The following PIP4K2A variants were observed in gnomAD, a reference collection of about 807,000 sequenced individuals.
PIP4K2A encodes the protein phosphatidylinositol-5-phosphate 4-kinase type 2 alpha.
In PIP4K2A, 14 loss-of-function variants were observed where a neutral mutation model predicts 42.9. The ratio of observed to expected loss-of-function variants is 0.33; its 90% CI spans 0.22 to 0.51. PIP4K2A has a LOEUF of 0.51. Among genes scored for constraint, PIP4K2A ranks in the 20% least tolerant of loss-of-function variants. The probability of loss-of-function intolerance (pLI) is 0.97; values close to 1 mark genes in which losing one functional copy is unlikely to be tolerated. For synonymous variants in PIP4K2A, 192 were observed against 192.2 expected (o/e 1.00, Z 0.01); for missense variants, 434 against 519.8 (o/e 0.83, Z 1.61).
chr10:22,581,562 C>G (rs1244586343), intron 4 of PIP4K2A, among the ~76,000 whole-genome samples: 2 of 40,312 alleles, frequency 5.0e-5, no homozygotes, highest in Admixed American at 4.3e-4. Flanking sequence ...GAGATCCTAT[C>G]TCTAAAAAAA....
chr10:22,664,206 T>TATATATATACATATATATATACAC (rs1564460335), intron 1 of PIP4K2A, among the ~76,000 whole-genome samples: 1 of 45,944 alleles, frequency 2.2e-5, no homozygotes, highest in South Asian at 6.1e-4. Flanking sequence ...TATATATACA[T>TATATATATACATATATATATACAC]ATATATATAT....
At chr10:22,581,638 A>G (rs2130807503) in intron 4 of PIP4K2A, among the ~76,000 whole-genome samples, 1 of 151,410 alleles carries the variant, frequency 6.6e-6, no homozygotes, top group East Asian at 1.9e-4. Context: ...CTGCACTGTC[A>G]TAGCTGGGCA....
chr10:22,607,787 C>G (rs1296524080), intron 3 of PIP4K2A, 140 bp downstream of exon 3: 1 of 561,876 alleles, frequency 1.8e-6, no homozygotes, highest in African/African-American at 1.9e-5. Flanking sequence ...TCAGCATGAA[C>G]ATTAAAAACT....
chr10:22,596,236 G>A (rs966104185), intron 3 of PIP4K2A, among the ~76,000 whole-genome samples: 7 of 130,710 alleles, frequency 5.4e-5, no homozygotes, highest in Admixed American at 1.5e-4. Flanking sequence ...GGATTTACTC[G>A]AAGACTCGAC....
chr10:22,625,354 T>C (rs1374247246), intron 1 of PIP4K2A, among the ~76,000 whole-genome samples: 2 of 152,254 alleles, frequency 1.3e-5, no homozygotes, highest in East Asian at 3.8e-4. Flanking sequence ...TTAAAATTAC[T>C]GAAAATACTT....
chr10:22,607,981 C>T lies in PIP4K2A; in HGVS notation c.285G>A (p.Pro95=), dbSNP rs147817344. 5.6e-6 allele frequency: 9 copies of T among 1,613,292 alleles called. No homozygotes were observed. The highest frequency in any genetic ancestry group is 1.6e-4 in the Middle Eastern group (1 of 6,062). ...PSHFKFKEYC[P]MVFRNLRERF... ...TCTCCCGCAGGTTACGGAAGACCAT[C>T]GGGCAGTATTCCTTAAACTTGAAAT... The change falls in exon 3 of 10, where the codon CCG becomes CCA. Residue 95 remains proline, a synonymous_variant. Coordinates refer to ENST00000376573, the MANE Select transcript of PIP4K2A (RefSeq NM_005028.5).
At chr10:22,625,366 A>T (rs1377471856) in intron 1 of PIP4K2A, among the ~76,000 whole-genome samples, 2 of 152,346 alleles carry the variant, frequency 1.3e-5, no homozygotes, top group East Asian at 3.8e-4. Flanking sequence ...AAAATACTTA[A>T]TCTTACCTTT....
chr10:22,622,913 A>C (rs1322492023), intron 1 of PIP4K2A, among the ~76,000 whole-genome samples: 1 of 152,240 alleles, frequency 6.6e-6, no homozygotes, highest in Non-Finnish European at 1.5e-5. Context: ...AGTATGCATT[A>C]TTTCAAAAAA....
At chr10:22,683,947 G>A (rs540089163) in intron 1 of PIP4K2A, among the ~76,000 whole-genome samples, 168 of 151,868 alleles carry the variant, frequency 1.1e-3, no homozygotes, top group African/African-American at 3.9e-3. Context: ...TTCCTTGCCC[G>A]GAACGTTCCT....
rs770861850 is a variant in PIP4K2A, at chr10:22,656,889, T to C, written c.145-47172A>G. On this transcript the variant is annotated intron_variant, in intron 1 of 9. Coordinates refer to ENST00000376573, the MANE Select transcript of PIP4K2A (RefSeq NM_005028.5). ...TAGAACTACACCTGGATTTTTTTTA[T>C]ACTTGAAGTTCTCTTTCTGATCAAG... 3.3e-5 allele frequency among the ~76,000 whole-genome samples: 5 copies of C among 152,124 alleles called. No individual in the cohort carries two copies. In the South Asian group the frequency reaches 8.3e-4, roughly 25 times the overall value.
Position 22,619,538 on chromosome 10 carries a change from G to T in PIP4K2A, c.145-9821C>A, listed in dbSNP as rs898947161. 1.3e-4 allele frequency among the ~76,000 whole-genome samples: 20 copies of T among 150,886 alleles called. 1 individual carries two copies. Among genetic ancestry groups the T allele is most frequent in the Admixed American group, 1.3e-3 (20 of 15,142 alleles). On this transcript the variant is annotated intron_variant, in intron 1 of 9. Transcript: ENST00000376573. ...TGTAACCACCGCCTCCTGGGTTCAAGCAATTCTCCTGTCTCAGCCTCCCGA... is the reference window on the plus strand; with the variant it reads ...TGTAACCACCGCCTCCTGGGTTCAATCAATTCTCCTGTCTCAGCCTCCCGA...
chr10:22,576,809 C>T (rs1361671097), intron 4 of PIP4K2A, among the ~76,000 whole-genome samples: 3 of 152,168 alleles, frequency 2.0e-5, no homozygotes, highest in Non-Finnish European at 4.4e-5. Flanking sequence ...AATACGGTGG[C>T]TCACACCTGT....
At chr10:22,564,750 C>A (rs1836798617) in intron 6 of PIP4K2A, among the ~76,000 whole-genome samples, 1 of 152,200 alleles carries the variant, frequency 6.6e-6, no homozygotes, top group African/African-American at 2.4e-5. Context: ...AGTAAAAGGG[C>A]AAATGGCCAA....
chr10:22,634,757 G>A (rs991778385), intron 1 of PIP4K2A, among the ~76,000 whole-genome samples: 8 of 152,004 alleles, frequency 5.3e-5, no homozygotes, highest in African/African-American at 1.9e-4. Context: ...ATTTAGGAGG[G>A]AGCATACACA....
intron 3 of PIP4K2A, among the ~76,000 whole-genome samples, chr10:22,601,589 A>G (rs1334911106): frequency 1.3e-5 from 2 of 152,172 alleles, no homozygotes; most frequent in African/African-American, 2.4e-5. Flanking sequence ...ACTAGTGATA[A>G]AGGAATGACA....
chr10:22,588,794 C>T (rs1341661093), intron 4 of PIP4K2A, among the ~76,000 whole-genome samples: 1 of 152,054 alleles, frequency 6.6e-6, no homozygotes, highest in African/African-American at 2.4e-5. Context: ...TAAGACCCTA[C>T]AAATTATATT....
chr10:22,555,397 A>C (rs4747443), intron 6 of PIP4K2A, among the ~76,000 whole-genome samples: 87,737 of 152,046 alleles, frequency 0.58, 26,319 homozygotes, highest in South Asian at 0.78. Context: ...TGCCTGCCAC[A>C]CAGTGTGTTA....
chr10:22,600,509 G>A (rs930985577), intron 3 of PIP4K2A, among the ~76,000 whole-genome samples: 2 of 152,232 alleles, frequency 1.3e-5, no homozygotes, highest in Admixed American at 1.3e-4. Flanking sequence ...CATGGTCACA[G>A]CATCAGTCAC....
chr10:22,667,538 G>A (rs960835728), intron 1 of PIP4K2A, among the ~76,000 whole-genome samples: 2 of 152,014 alleles, frequency 1.3e-5, no homozygotes, highest in Admixed American at 6.6e-5. Context: ...TTATAAAATC[G>A]ATAATCGTAA....
Sources: gnomAD v4.1 joint callset for allele counts (sites outside exome capture counted in the v4.1 genomes callset) on GRCh38, gnomAD v4.1.1 for gene constraint, MANE v1.5 for transcripts, NCBI Gene and HGNC (gene_info 2026-07-23, HGNC 2026-07-21) for gene names.